The following HTT variants were observed in gnomAD, a reference collection of about 807,000 sequenced individuals.
HTT encodes the protein huntington disease protein.
A neutral mutation model predicts 362.3 loss-of-function variants in HTT; 104 were observed. The observed-to-expected ratio is 0.29, with a 90% CI of 0.24 to 0.34. The LOEUF (loss-of-function observed/expected upper bound fraction) is 0.34, where lower values mean the gene tolerates loss of function less well. Among genes scored for constraint, HTT ranks in the 10% least tolerant of loss-of-function variants. The probability of loss-of-function intolerance (pLI) is 1.00; values close to 1 mark genes in which losing one functional copy is unlikely to be tolerated. For missense variants in HTT, 3,301 were observed against 3,928.6 expected (o/e 0.84, Z 4.27); for synonymous variants, 1,577 against 1,548.7 (o/e 1.02, Z -0.43).
In HTT at chr4:3,232,758, C is replaced by T. The variant is rs180707366; in HGVS notation, c.8266-405C>T. Among the ~76,000 whole-genome samples the T allele has an allele frequency of 1.9e-4, 29 of 152,374 alleles. No homozygotes were observed. In the East Asian group the frequency reaches 3.1e-3, roughly 16 times the overall value. On this transcript the variant is annotated intron_variant, in intron 60 of 66. Coordinates refer to ENST00000355072, the MANE Select transcript of HTT (RefSeq NM_001388492.1). The stretch of plus-strand genomic sequence containing the variant: ...GTCGTGCAGGACGCACTTAACTCCC[C>T]GCACAGTGAGCCGTGACAGCGCGTG...
At chr4:3,157,372 A>G (rs966159991) in intron 28 of HTT, among the ~76,000 whole-genome samples, 173 bp downstream of exon 28, 3 of 152,214 alleles carry the variant, frequency 2.0e-5, no homozygotes, top group African/African-American at 7.2e-5. Context: ...CTTCTATCAT[A>G]CAGGTGTTTT....
At chr4:3,204,487 AAC>A (rs1719752825) in intron 42 of HTT, among the ~76,000 whole-genome samples, 2 of 152,226 alleles carry the variant, frequency 1.3e-5, no homozygotes, top group African/African-American at 4.8e-5. Context: ...TGATTTAAAA[AAC>A]AAAGTAAGTG....
chr4:3,225,074 G>A (rs1720844340), intron 56 of HTT, among the ~76,000 whole-genome samples: 1 of 152,102 alleles, frequency 6.6e-6, no homozygotes, highest in Non-Finnish European at 1.5e-5. Context: ...AGGGTTAGCT[G>A]GGGACATTTA....
In HTT at chr4:3,206,833, G is replaced by T; in HGVS notation, c.5925G>T (p.Gln1975His). 1 of 1,606,728 alleles carries T rather than the reference G, an allele frequency of 6.2e-7. No homozygotes were observed. Among genetic ancestry groups the T allele is most frequent in the African/African-American group, 1.3e-5 (1 of 74,760 alleles). ...CAACCATGCTGAAGAAAACTCTTCAGTGCTTGGAGGGGATCCATCTCAGCC... is the reference window on the plus strand; with the variant it reads ...CAACCATGCTGAAGAAAACTCTTCATTGCTTGGAGGGGATCCATCTCAGCC... ...STPTMLKKTL[Q>H]CLEGIHLSQS... The change falls in exon 44 of 67, where the codon CAG becomes CAT. Residue 1975 changes from glutamine to histidine, a missense_variant. This residue lies in a region of HTT where 2,316 missense variants were observed against 2,658.5 expected (regional missense o/e 0.87). Transcript: ENST00000355072. The surrounding 1 kb of genome is among the most constrained non-coding windows in gnomAD (Gnocchi z 4.6).
rs528535304 is a variant in HTT, at chr4:3,164,443, C to T, written c.3864+4051C>T. Among the ~76,000 whole-genome samples the T allele has an allele frequency of 4.0e-4, 61 of 152,174 alleles. 1 individual carries two copies. The highest frequency in any genetic ancestry group is 5.3e-4 in the African/African-American group (22 of 41,506). On this transcript the variant is annotated intron_variant, in intron 29 of 66. Coordinates refer to ENST00000355072, the MANE Select transcript of HTT (RefSeq NM_001388492.1). Reference sequence around the variant, plus strand: ...GAGTTCTGTAGATGTCTATTAGGTCCGCTTGGTCCAGTGCTGAGTTCAAGT... The same window carrying T: ...GAGTTCTGTAGATGTCTATTAGGTCTGCTTGGTCCAGTGCTGAGTTCAAGT...
chr4:3,183,157 C>T (rs935646495), intron 37 of HTT, among the ~76,000 whole-genome samples: 3 of 152,264 alleles, frequency 2.0e-5, no homozygotes, highest in African/African-American at 7.2e-5. Flanking sequence ...GCTGGCATTA[C>T]AGGTGTGAGC....
At chr4:3,221,697 G>A (rs1310336201) in intron 53 of HTT, among the ~76,000 whole-genome samples, 1 of 152,158 alleles carries the variant, frequency 6.6e-6, no homozygotes, top group East Asian at 1.9e-4. Context: ...CATCATGATG[G>A]GGACATGAAG....
At chr4:3,213,182 A>G (rs540233341) in intron 49 of HTT, 1 of 161,308 alleles carries the variant, frequency 6.2e-6, no homozygotes, top group South Asian at 1.8e-4. Flanking sequence ...TTGCAGACCC[A>G]CAGAGGCTCC....
In HTT at chr4:3,116,158, G is replaced by A. The variant is rs1648439206; in HGVS notation, c.963G>A (p.Leu321=). The change falls in exon 8 of 67, where the codon TTG becomes TTA. Residue 321 remains leucine, a synonymous_variant. Transcript: ENST00000355072. ...ILGVLLTLRY[L]VPLLQQQVKD... Reference sequence around the variant, plus strand: ...GCGTGCTGCTCACCCTGAGGTATTTGGTGCCCTTGCTGCAGCAGCAGGTCA... The same window carrying A: ...GCGTGCTGCTCACCCTGAGGTATTTAGTGCCCTTGCTGCAGCAGCAGGTCA... 1 of 1,613,810 alleles carries A rather than the reference G, an allele frequency of 6.2e-7. No homozygotes were observed.
At chr4:3,156,737 A>G (rs1464445935) in intron 27 of HTT, among the ~76,000 whole-genome samples, 1 of 152,150 alleles carries the variant, frequency 6.6e-6, no homozygotes, top group Non-Finnish European at 1.5e-5. Flanking sequence ...CCACTAAGGA[A>G]TCTTAGGCTC....
At chr4:3,164,021 G>A (rs552688328) in intron 29 of HTT, among the ~76,000 whole-genome samples, 5 of 152,000 alleles carry the variant, frequency 3.3e-5, no homozygotes, top group Non-Finnish European at 7.4e-5. Flanking sequence ...TGATGTTAGG[G>A]TGTTAATTTT....
chr4:3,094,736 G>A (rs867537791), intron 2 of HTT, among the ~76,000 whole-genome samples: 2 of 150,468 alleles, frequency 1.3e-5, no homozygotes, highest in African/African-American at 4.9e-5. Context: ...CGGACGGAGC[G>A]GCTGCCGGGC....
chr4:3,100,005 C>T (rs1714071797), intron 3 of HTT, among the ~76,000 whole-genome samples: 1 of 152,138 alleles, frequency 6.6e-6, no homozygotes. Flanking sequence ...GCATTGCTTG[C>T]CACACCTGCC....
At chr4:3,116,310 A>T (rs1365612409) in intron 8 of HTT, 47 bp downstream of exon 8, 1 of 1,489,704 alleles carries the variant, frequency 6.7e-7, no homozygotes. Flanking sequence ...AATGACTGAC[A>T]TTCAAAGAAC....
At chr4:3,079,137 C>G (rs1227870011) in intron 1 of HTT, among the ~76,000 whole-genome samples, 2 of 152,080 alleles carry the variant, frequency 1.3e-5, no homozygotes, top group Non-Finnish European at 2.9e-5. Context: ...CTCATGTGAT[C>G]TGCCTGCCTT....
At chr4:3,182,525 T>C in intron 37 of HTT, 55 bp downstream of exon 37, 10 of 1,108,036 alleles carry the variant, frequency 9.0e-6, no homozygotes, top group Non-Finnish European at 1.4e-5. Context: ...CTTAAGGTCC[T>C]TGTGAAAGGT....
chr4:3,193,242 T>A (rs1271816201), intron 40 of HTT, among the ~76,000 whole-genome samples: 1 of 152,274 alleles, frequency 6.6e-6, no homozygotes, highest in Non-Finnish European at 1.5e-5. Flanking sequence ...ATTTTCATAG[T>A]GGACTCTAGT....
chr4:3,198,215 ATTTTTTTTTTTTTTTTTT>A (rs200014691), intron 40 of HTT, among the ~76,000 whole-genome samples: 1 of 60,336 alleles, frequency 1.7e-5, no homozygotes. Context: ...GGATGTGTTG[ATTTTTTTTTTTTTTTTTT>A]TTTTTTTTTT....
chr4:3,186,820 G>T, intron 38 of HTT, 101 bp downstream of exon 38: 1 of 1,049,692 alleles, frequency 9.5e-7, no homozygotes. Context: ...AGTTTGGGTA[G>T]GGCTTCTTGA....
Sources: allele counts gnomAD v4.1 joint callset (sites outside exome capture counted in the v4.1 genomes callset), GRCh38; gene constraint gnomAD v4.1.1; regional missense constraint gnomAD v4.1.1; non-coding constraint Gnocchi (gnomAD v3.1); transcripts MANE v1.5; gene names NCBI Gene and HGNC (gene_info 2026-07-23, HGNC 2026-07-21).